Variants in FGD6 observed in about 807,000 individuals in gnomAD.
FGD6 encodes FYVE, RhoGEF and PH domain containing 6, also known as FYVE, RhoGEF and PH domain-containing protein 6.
FGD6 carries 90 observed loss-of-function variants against 149.4 expected under a neutral mutation model. The observed-to-expected ratio is 0.60, with a 90% CI of 0.51 to 0.72. The LOEUF (loss-of-function observed/expected upper bound fraction) is 0.72. FGD6 is among the 30% of genes least tolerant of loss of function. FGD6 has a pLI of 0.00. For synonymous variants in FGD6, 527 were observed against 584.0 expected, an observed-to-expected ratio of 0.90 and a Z score of 1.41; for missense variants, 1,437 against 1,684.8, an observed-to-expected ratio of 0.85 and a Z score of 2.57.
chr12:95,145,725 T>C (rs1277239710), intron 5 of FGD6, among the ~76,000 whole-genome samples: 7 of 152,168 alleles, frequency 4.6e-5, no homozygotes, highest in Non-Finnish European at 7.4e-5. Flanking sequence ...TCGTCCAGGC[T>C]GGAGTGTGGT....
chr12:95,096,051 C>T (rs965146448), intron 14 of FGD6, among the ~76,000 whole-genome samples: 3 of 150,934 alleles, frequency 2.0e-5, no homozygotes, highest in African/African-American at 7.3e-5. Flanking sequence ...GACCTGATAT[C>T]TGCAATTTGT....
chr12:95,149,496 T>A (rs1174540606), intron 5 of FGD6, among the ~76,000 whole-genome samples: 1 of 136,592 alleles, frequency 7.3e-6, no homozygotes, highest in African/African-American at 2.7e-5. Flanking sequence ...ATATTATACA[T>A]AATATATAGT....
chr12:95,197,472 G>T (rs187334803), intron 2 of FGD6, among the ~76,000 whole-genome samples: 1 of 152,060 alleles, frequency 6.6e-6, no homozygotes, highest in East Asian at 1.9e-4. Context: ...ACCCCAAAAG[G>T]CTCCATAAAG....
chr12:95,188,514 G>C (rs1223433868), intron 2 of FGD6, among the ~76,000 whole-genome samples: 2 of 152,062 alleles, frequency 1.3e-5, no homozygotes, highest in African/African-American at 4.8e-5. Flanking sequence ...TAACCTCATA[G>C]GGACAGAGTT....
chr12:95,159,548 C>T (rs1880576681), intron 3 of FGD6, among the ~76,000 whole-genome samples: 1 of 152,168 alleles, frequency 6.6e-6, no homozygotes, highest in African/African-American at 2.4e-5. Context: ...ACATTAAGAA[C>T]TCTGATAGGG....
At chr12:95,085,307 C>T (rs1421959593) in intron 19 of FGD6, among the ~76,000 whole-genome samples, 4 of 151,304 alleles carry the variant, frequency 2.6e-5, no homozygotes, top group South Asian at 2.1e-4. Flanking sequence ...CTCTGCCTCC[C>T]GGGTTCAAGC....
At chr12:95,118,271 C>A (rs1385722053) in intron 8 of FGD6, among the ~76,000 whole-genome samples, 2 of 151,280 alleles carry the variant, frequency 1.3e-5, no homozygotes, top group African/African-American at 4.9e-5. Flanking sequence ...GAATTGCTAA[C>A]TCAGGAGGTG....
intron 19 of FGD6, 119 bp downstream of exon 19, chr12:95,085,661 C>T: frequency 9.0e-7 from 1 of 1,114,616 alleles, no homozygotes; most frequent in South Asian, 1.8e-5. Flanking sequence ...AACACCTCCC[C>T]CATCCAAAAG....
At position 95,150,221 on chromosome 12, in the gene FGD6, T is replaced by C. The variant is rs935030953; in HGVS notation, c.2685+2590A>G. Among the ~76,000 whole-genome samples, 5 of 151,806 alleles carry C rather than the reference T, an allele frequency of 3.3e-5. No individual in the cohort carries two copies. The East Asian group carries it at 9.7e-4, about 29-fold the overall frequency. ...TTTTGTATTTTTAGTAGAGACGGGG[T>C]TTCTCCATGTTGGTCAGGCTGTCTC... On this transcript the variant is annotated intron_variant, in intron 5 of 20. Transcript: ENST00000343958.
chr12:95,092,133 C>T (rs1878076404), intron 16 of FGD6, among the ~76,000 whole-genome samples: 2 of 152,162 alleles, frequency 1.3e-5, no homozygotes, highest in African/African-American at 4.8e-5. Context: ...TACTGATCAC[C>T]AGCACTGTCA....
chr12:95,184,175 C>A (rs1881361095), intron 2 of FGD6, among the ~76,000 whole-genome samples: 4 of 152,070 alleles, frequency 2.6e-5, no homozygotes, highest in Admixed American at 2.6e-4. Context: ...TAGCCAAAAC[C>A]AAAGGACTTC....
At chr12:95,159,781 C>T (rs1880582928) in intron 3 of FGD6, among the ~76,000 whole-genome samples, 1 of 152,018 alleles carries the variant, frequency 6.6e-6, no homozygotes, top group Non-Finnish European at 1.5e-5. Flanking sequence ...TGTGGTGAGC[C>T]ATGATTGAGC....
chr12:95,165,355 C>T (rs544325011), intron 3 of FGD6, among the ~76,000 whole-genome samples: 4 of 149,152 alleles, frequency 2.7e-5, no homozygotes, highest in Admixed American at 6.7e-5. Flanking sequence ...TTTTTTGAGA[C>T]AGTGTTTCAC....
intron 5 of FGD6, among the ~76,000 whole-genome samples, chr12:95,143,275 T>C (rs1011551400): frequency 5.4e-5 from 7 of 130,544 alleles, no homozygotes; most frequent in Non-Finnish European, 9.4e-5. Flanking sequence ...ATATTAACCA[T>C]GAGGTTTGTT....
At chr12:95,212,222 CTAGT>C (rs776925630) in intron 1 of FGD6, among the ~76,000 whole-genome samples, 1 of 152,128 alleles carries the variant, frequency 6.6e-6, no homozygotes, top group South Asian at 2.1e-4. Context: ...CTAGAGTGAA[CTAGT>C]TAGTTTCTGG....
intron 5 of FGD6, among the ~76,000 whole-genome samples, chr12:95,145,074 C>T (rs1487721044): frequency 2.7e-5 from 4 of 147,098 alleles, no homozygotes; most frequent in Non-Finnish European, 4.5e-5. Flanking sequence ...CTGCAACCTC[C>T]GACTCCCAGG....
chr12:95,170,980 A>G (rs145621137), intron 3 of FGD6, among the ~76,000 whole-genome samples: 1 of 152,346 alleles, frequency 6.6e-6, no homozygotes, highest in Non-Finnish European at 1.5e-5. Flanking sequence ...TTAATACTTC[A>G]CAGCATAGAA....
At chr12:95,153,942 TGTGTGAGTGAGAGA>T (rs1037458760) in intron 3 of FGD6, among the ~76,000 whole-genome samples, 1 of 131,802 alleles carries the variant, frequency 7.6e-6, no homozygotes, top group Non-Finnish European at 1.7e-5. Context: ...TGTGTGTGTG[TGTGTGAGTGAGAGA>T]GAGAAGAGAC....
chr12:95,095,038 G>A (rs1878191891), intron 14 of FGD6, among the ~76,000 whole-genome samples: 1 of 152,162 alleles, frequency 6.6e-6, no homozygotes. Context: ...TAGCCAGGGA[G>A]TTTCTTAAGA....
Sources: allele counts gnomAD v4.1 joint callset (sites outside exome capture counted in the v4.1 genomes callset), GRCh38; gene constraint gnomAD v4.1.1; transcripts MANE v1.5; gene names NCBI Gene and HGNC (gene_info 2026-07-23, HGNC 2026-07-21).